SDF4: variants seen among roughly 807,000 people sequenced by gnomAD.
SDF4 encodes 45 kDa calcium-binding protein.
In SDF4, 22 loss-of-function variants were observed where a neutral mutation model predicts 34.2. The ratio of observed to expected loss-of-function variants is 0.64; its 90% CI spans 0.46 to 0.92. The LOEUF (loss-of-function observed/expected upper bound fraction) is 0.92. Among genes scored for constraint, SDF4 ranks in the 40% least tolerant of loss-of-function variants. The pLI is 0.00. For missense variants in SDF4, 447 were observed against 499.9 expected (o/e 0.89, Z 1.01); for synonymous variants, 236 against 203.1 (o/e 1.16, Z -1.38).
intron 4 of SDF4, 180 bp downstream of exon 4, chr1:1,223,063 AC>A: frequency 1.9e-6 from 1 of 531,704 alleles, no homozygotes; most frequent in East Asian, 2.9e-5. Context: ...CACAACATGC[AC>A]ACACGTACTC....
chr1:1,226,040 G>A lies in SDF4; in HGVS notation c.306-2072C>T, dbSNP rs577765356. 3.9e-5 allele frequency among the ~76,000 whole-genome samples: 6 copies of A among 152,346 alleles called. No homozygotes were observed. In the East Asian group the frequency reaches 7.7e-4, roughly 20 times the overall value. On this transcript the variant is annotated intron_variant, in intron 2 of 6. Coordinates refer to ENST00000360001, the MANE Select transcript of SDF4 (RefSeq NM_016176.6). Reference sequence around the variant, plus strand: ...GGCAGAACACAGATGTGACTGGGCTGGTGCACACACGCATGTTATCAAGTT... The same window carrying A: ...GGCAGAACACAGATGTGACTGGGCTAGTGCACACACGCATGTTATCAAGTT...
In SDF4 at chr1:1,217,571, C is replaced by T. The variant is rs1228690322; in HGVS notation, c.1009G>A (p.Glu337Lys). 2.5e-6 allele frequency: 4 copies of T among 1,613,524 alleles called. No individual in the cohort carries two copies. The highest frequency in any genetic ancestry group is 4.5e-5 in the East Asian group (2 of 44,850). Residue 337 changes from glutamate to lysine, a missense_variant, in exon 7 of 7, where the codon GAG becomes AAG. Physicochemically the swap from Glu to Lys is moderately conservative, Grantham distance 56. Coordinates refer to ENST00000360001, the MANE Select transcript of SDF4 (RefSeq NM_016176.6). This position sits in a 1 kb window ranked among gnomAD's most constrained non-coding sequence, Gnocchi z 8.5. Reference sequence around the variant, plus strand: ...ACCAGCTTGCTGCCCGTGAAGAACTCGCTGTACTTGAGCACCTCCTCGGGC... The same window carrying T: ...ACCAGCTTGCTGCCCGTGAAGAACTTGCTGTACTTGAGCACCTCCTCGGGC... ...LEPEEVLKYS[E>K]FFTGSKLVDY...
chr1:1,218,812 C>T lies in SDF4; in HGVS notation c.672G>A (p.Arg224=), dbSNP rs1462227742. ...CCTTCACCATGAACCTGAGCATTCC[C>T]CGGCTGTGCTCGGGGTGGAGGAACG... ...FLSFLHPEHS[R]GMLRFMVKEI... is the part of the protein sequence containing the mutation. The change falls in exon 5 of 7, where the codon CGG becomes CGA. Residue 224 remains arginine (R), a synonymous_variant. Transcript: ENST00000360001. The surrounding 1 kb of genome is among the most constrained non-coding windows in gnomAD (Gnocchi z 7.9). 3 of 1,608,474 alleles carry T rather than the reference C, an allele frequency of 1.9e-6. No homozygotes were observed. The highest frequency in any genetic ancestry group is 3.3e-5 in the Admixed American group (2 of 59,784).
intron 4 of SDF4, chr1:1,219,491 T>C (rs1033715143): frequency 2.0e-6 from 2 of 996,206 alleles, no homozygotes; most frequent in Admixed American, 1.1e-4. Context: ...GGCGAAGGAC[T>C]CACTGCCCTT....
chr1:1,227,583 G>A (rs1003163714), intron 2 of SDF4, among the ~76,000 whole-genome samples: 4 of 152,194 alleles, frequency 2.6e-5, no homozygotes, highest in African/African-American at 7.2e-5. Flanking sequence ...CTCCCTGCCC[G>A]GCACCCTGGC....
rs1405824742 is a variant in SDF4, at chr1:1,217,846, G to C, written c.892-158C>G. 4 of 1,515,172 alleles carry C rather than the reference G, an allele frequency of 2.6e-6. No individual in the cohort carries two copies. The highest frequency in any genetic ancestry group is 1.4e-5 in the African/African-American group (1 of 72,382). The allele number at this position is 1,515,172 out of a possible 1,614,324, so 93.9% of individuals were successfully genotyped here. On this transcript the variant is annotated intron_variant, in intron 6 of 6. Transcript: ENST00000360001. The surrounding 1 kb of genome is among the most constrained non-coding windows in gnomAD (Gnocchi z 8.5). ...GGGAGGCGGCACAAATGAAAACACAGGGCAGGGAGAAGCCGGGGGCCCCGG... is the reference window on the plus strand; with the variant it reads ...GGGAGGCGGCACAAATGAAAACACACGGCAGGGAGAAGCCGGGGGCCCCGG...
intron 4 of SDF4, chr1:1,220,589 G>A: frequency 7.8e-7 from 1 of 1,286,816 alleles, no homozygotes. Flanking sequence ...ATCGGACACG[G>A]GTGGGCAGGG....
At chr1:1,230,128 C>T (rs1484580319) in intron 1 of SDF4, among the ~76,000 whole-genome samples, 1 of 152,236 alleles carries the variant, frequency 6.6e-6, no homozygotes. Context: ...TCTGCCCCTC[C>T]GGCAAACACC....
rs1041202925 is a variant in SDF4 at position 1,228,356 on chromosome 1, C to T, written c.305+112G>A. On this transcript the variant is annotated intron_variant, in intron 2 of 6. Transcript: ENST00000360001. ...TCATCACCGGCACGTCTTCCCAGCC[C>T]GGCAGGTCCCGACACAGGGCCCGGC... is the stretch of plus-strand genomic sequence containing the variant. The T allele has an allele frequency of 1.1e-5, 13 of 1,221,044 alleles. No homozygotes were observed. In the African/African-American group the frequency reaches 1.2e-4, roughly 11 times the overall value. The allele number at this position is 1,221,044 out of a possible 1,614,324, so 75.6% of individuals were successfully genotyped here.
chr1:1,218,611 G>C lies in SDF4; in HGVS notation c.738C>G (p.Leu246=), dbSNP rs752317746. 6.2e-7 allele frequency: 1 copy of C among 1,614,010 alleles called. No individual in the cohort carries two copies. Among genetic ancestry groups the C allele is most frequent in the Admixed American group, 1.7e-5 (1 of 60,032 alleles). The change falls in exon 6 of 7, where the codon CTC becomes CTG. Residue 246 remains leucine, a synonymous_variant. Coordinates refer to ENST00000360001, the MANE Select transcript of SDF4 (RefSeq NM_016176.6). This position sits in a 1 kb window ranked among gnomAD's most constrained non-coding sequence, Gnocchi z 7.9. ...GCAGGGAGATGAACTCGGGCACAGA[G>C]AGCTGCTTGTCACCGTCCTGGTCTG... The part of the protein sequence containing the change: ...RDLDQDGDKQ[L]SVPEFISLPV...
At chr1:1,229,223 C>G (rs1015579865) in intron 1 of SDF4, among the ~76,000 whole-genome samples, 2 of 152,174 alleles carry the variant, frequency 1.3e-5, no homozygotes, top group Non-Finnish European at 2.9e-5. Context: ...CAGGGTCTTG[C>G]TCTGTCACCC....
At position 1,221,715 on chromosome 1, in the gene SDF4, C is replaced by G. The variant is rs1409006377; in HGVS notation, c.556+1529G>C. Among the ~76,000 whole-genome samples the G allele has an allele frequency of 9.2e-5, 14 of 152,310 alleles. No homozygotes were observed. In the East Asian group the frequency reaches 2.7e-3, roughly 29 times the overall value. ...GTGGCTCACGCCTATAATCCCAGCA[C>G]TTTGGGAGACTGCAGTAGGCGGATG... On this transcript the variant is annotated intron_variant, in intron 4 of 6. Coordinates refer to ENST00000360001, the MANE Select transcript of SDF4 (RefSeq NM_016176.6).
At chr1:1,231,337 C>G (rs1278324473) in intron 1 of SDF4, among the ~76,000 whole-genome samples, 1 of 152,242 alleles carries the variant, frequency 6.6e-6, no homozygotes, top group Non-Finnish European at 1.5e-5. Flanking sequence ...GGCAGAGACG[C>G]TATTTCTTTG....
At chr1:1,225,140 T>C (rs1250509780) in intron 2 of SDF4, among the ~76,000 whole-genome samples, 5 of 152,140 alleles carry the variant, frequency 3.3e-5, no homozygotes, top group Admixed American at 6.5e-5. Context: ...CATTATGTCT[T>C]TGTGGAAGCC....
chr1:1,222,321 G>T (rs571802884), intron 4 of SDF4, among the ~76,000 whole-genome samples: 1 of 152,346 alleles, frequency 6.6e-6, no homozygotes, highest in Non-Finnish European at 1.5e-5. Flanking sequence ...CCCAGACCTG[G>T]CCCCGTGCAG....
chr1:1,227,379 G>A (rs113210381), intron 2 of SDF4: 9 of 124,592 alleles, frequency 7.2e-5, no homozygotes, highest in African/African-American at 9.8e-5. Flanking sequence ...GGCCAGGCCC[G>A]GCGGGAAGGC....
At chr1:1,231,152 T>C (rs918446301) in intron 1 of SDF4, among the ~76,000 whole-genome samples, 1 of 152,204 alleles carries the variant, frequency 6.6e-6, no homozygotes, top group Non-Finnish European at 1.5e-5. Flanking sequence ...GTCCATCAAG[T>C]GGCGCTTCCT....
chr1:1,216,932 A>G lies in SDF4; in HGVS notation c.*580T>C, dbSNP rs1649529447. The G allele has an allele frequency of 2.0e-5, 3 of 152,212 alleles. No homozygotes were observed. In the South Asian group the frequency reaches 6.2e-4, roughly 32 times the overall value. 9.4% of individuals were successfully genotyped at this position (152,212 alleles called of 1,614,324 possible). On this transcript the variant is annotated 3_prime_UTR_variant, in exon 7 of 7. Transcript: ENST00000360001. ...ATGAAGCTGACCAAAAAAGGCAACT[A>G]TATTTAAAGTAAATGTATGTGATTC...
At chr1:1,224,087 A>G in intron 2 of SDF4, 119 bp from the exon 3 acceptor site, 1 of 1,513,804 alleles carries the variant, frequency 6.6e-7, no homozygotes, top group Admixed American at 1.9e-5. Flanking sequence ...CAACAGCGAC[A>G]GGCTCCACCA....
Sources: gnomAD v4.1 joint callset for allele counts (sites outside exome capture counted in the v4.1 genomes callset) on GRCh38, gnomAD v4.1.1 for gene constraint, Gnocchi (gnomAD v3.1) non-coding constraint, MANE v1.5 for transcripts, NCBI Gene and HGNC (gene_info 2026-07-23, HGNC 2026-07-21) for gene names.